Variants in NRG1 observed in about 807,000 individuals in gnomAD.
NRG1 encodes pro-neuregulin-1, membrane-bound isoform.
A neutral mutation model predicts 63.8 loss-of-function variants in NRG1; 18 were observed. That is an observed-to-expected ratio of 0.28 (90% CI 0.19 to 0.42). NRG1 has a LOEUF of 0.42. Among genes scored for constraint, NRG1 ranks in the 10% least tolerant of loss-of-function variants. NRG1 has a pLI of 1.00. For synonymous variants in NRG1, 302 were observed against 301.3 expected (o/e 1.00, Z -0.02); for missense variants, 762 against 814.7 (o/e 0.94, Z 0.79).
chr8:32,592,015 G>C (rs72634860), intron 1 of NRG1, among the ~76,000 whole-genome samples: 36,769 of 151,312 alleles, frequency 0.24, 4,586 homozygotes, highest in Non-Finnish European at 0.26. Context: ...ACATACACAC[G>C]TGCGTATTTA....
intron 1 of NRG1, among the ~76,000 whole-genome samples, chr8:31,738,216 C>T (rs1022987886): frequency 3.3e-5 from 5 of 152,178 alleles, no homozygotes; most frequent in African/African-American, 1.2e-4. Context: ...ATGCAAGAAA[C>T]TGATCTCGTT....
At chr8:31,771,942 G>A (rs1359240580) in intron 1 of NRG1, among the ~76,000 whole-genome samples, 1 of 152,192 alleles carries the variant, frequency 6.6e-6, no homozygotes, top group African/African-American at 2.4e-5. Flanking sequence ...TGTTTTGAAA[G>A]TTAACTCTGC....
intron 1 of NRG1, among the ~76,000 whole-genome samples, chr8:31,682,687 T>TA (rs1451362566): frequency 1.3e-5 from 2 of 152,016 alleles, no homozygotes; most frequent in Non-Finnish European, 2.9e-5. Flanking sequence ...ATAGATAAAA[T>TA]ACTGTCCAGC....
chr8:32,280,028 T>C (rs770323741), intron 1 of NRG1, among the ~76,000 whole-genome samples: 1 of 152,238 alleles, frequency 6.6e-6, no homozygotes, highest in Non-Finnish European at 1.5e-5. Flanking sequence ...CAAGTCAATA[T>C]CATCAGTCAT....
intron 1 of NRG1, among the ~76,000 whole-genome samples, chr8:32,111,445 T>C (rs572283645): frequency 1.3e-5 from 2 of 152,236 alleles, no homozygotes; most frequent in African/African-American, 4.8e-5. Context: ...TTGCCACTCA[T>C]GATGATGATT....
intron 1 of NRG1, among the ~76,000 whole-genome samples, chr8:31,836,690 G>A (rs371758277): frequency 1.1e-4 from 17 of 151,972 alleles, no homozygotes; most frequent in East Asian, 9.6e-4. Flanking sequence ...CATCCCTATC[G>A]ATGAATATTT....
intron 1 of NRG1, among the ~76,000 whole-genome samples, chr8:32,161,891 T>G (rs1270378909): frequency 6.6e-6 from 1 of 152,214 alleles, no homozygotes; most frequent in African/African-American, 2.4e-5. Context: ...ACTTAACTGC[T>G]TTGGTTTGAA....
chr8:32,106,949 G>A (rs537399199), intron 1 of NRG1, among the ~76,000 whole-genome samples: 10 of 152,164 alleles, frequency 6.6e-5, no homozygotes, highest in Middle Eastern at 6.8e-3. Flanking sequence ...TTGGCCAGCC[G>A]CAGTGGCTCA....
intron 1 of NRG1, among the ~76,000 whole-genome samples, chr8:31,921,817 T>A (rs1245037378): frequency 1.3e-5 from 2 of 152,208 alleles, no homozygotes; most frequent in East Asian, 3.9e-4. Flanking sequence ...TATGGAGATG[T>A]TGATAGATCA....
At chr8:31,695,598 GATT>G (rs1202165158) in intron 1 of NRG1, among the ~76,000 whole-genome samples, 1 of 152,222 alleles carries the variant, frequency 6.6e-6, no homozygotes, top group Non-Finnish European at 1.5e-5. Context: ...CAACATTGGG[GATT>G]ACAATTCAAC....
intron 1 of NRG1, among the ~76,000 whole-genome samples, chr8:32,581,924 A>C (rs186806915): frequency 1.3e-5 from 2 of 152,270 alleles, no homozygotes; most frequent in Non-Finnish European, 2.9e-5. Context: ...TTTGTGCTAA[A>C]GGGAAATTGT....
intron 1 of NRG1, among the ~76,000 whole-genome samples, chr8:31,928,391 T>A (rs1039840154): frequency 7.0e-6 from 1 of 142,320 alleles, no homozygotes; most frequent in Non-Finnish European, 1.5e-5. Flanking sequence ...GTTTATACAC[T>A]GCTGGTGGGA....
intron 1 of NRG1, among the ~76,000 whole-genome samples, chr8:31,699,335 A>G (rs1810397470): frequency 6.6e-6 from 1 of 152,192 alleles, no homozygotes. Flanking sequence ...CTGGCCCAAC[A>G]TAGTCACATG....
At chr8:32,510,214 G>A (rs1398475086) in intron 1 of NRG1, among the ~76,000 whole-genome samples, 2 of 151,592 alleles carry the variant, frequency 1.3e-5, no homozygotes, top group Non-Finnish European at 2.9e-5. Context: ...AAAGAAAGGA[G>A]GGCTAGGCAT....
intron 1 of NRG1, among the ~76,000 whole-genome samples, chr8:32,060,590 A>G (rs1275603210): frequency 6.6e-6 from 1 of 151,772 alleles, no homozygotes; most frequent in East Asian, 1.9e-4. Context: ...GATGATTATT[A>G]TTATTTGCTT....
intron 1 of NRG1, among the ~76,000 whole-genome samples, chr8:32,352,486 C>G (rs559080714): frequency 6.6e-6 from 1 of 152,074 alleles, no homozygotes; most frequent in Admixed American, 6.5e-5. Flanking sequence ...CTTCAAGACC[C>G]AAACTTTTCT....
chr8:32,386,590 G>A (rs961428327), intron 1 of NRG1, among the ~76,000 whole-genome samples: 3 of 152,196 alleles, frequency 2.0e-5, no homozygotes, highest in East Asian at 1.9e-4. Context: ...TGGACAAAAC[G>A]GACAAACCTA....
intron 1 of NRG1, among the ~76,000 whole-genome samples, chr8:32,321,512 T>G (rs1801384444): frequency 9.2e-6 from 1 of 108,344 alleles, no homozygotes; most frequent in African/African-American, 3.5e-5. Flanking sequence ...AGCAGTGGGT[T>G]TTTTTTTTTT....
At chr8:32,623,813 T>C (rs1406612956) in intron 5 of NRG1, among the ~76,000 whole-genome samples, 1 of 152,224 alleles carries the variant, frequency 6.6e-6, no homozygotes, top group Non-Finnish European at 1.5e-5. Flanking sequence ...TTGCCCTTTC[T>C]AAAGTCATTC....
Sources: gnomAD v4.1 joint callset for allele counts (sites outside exome capture counted in the v4.1 genomes callset) on GRCh38, gnomAD v4.1.1 for gene constraint, MANE v1.5 for transcripts, NCBI Gene and HGNC (gene_info 2026-07-23, HGNC 2026-07-21) for gene names.